The following SPPL3 variants were observed in gnomAD, a reference collection of about 807,000 sequenced individuals.
The protein encoded by SPPL3 is signal peptide peptidase-like 3.
Under a neutral mutation model 42.4 loss-of-function variants are expected in SPPL3, and 5 were observed. That is an observed-to-expected ratio of 0.12 (90% confidence interval 0.06 to 0.25). The LOEUF is 0.25. Among genes scored for constraint, SPPL3 ranks in the 10% least tolerant of loss-of-function variants. The pLI, the probability that SPPL3 is intolerant of heterozygous loss-of-function variation, is 1.00. For synonymous variants in SPPL3, 195 were observed against 181.8 expected, an observed-to-expected ratio of 1.07 and a Z score of -0.58; for missense variants, 235 against 489.0, an observed-to-expected ratio of 0.48 and a Z score of 4.90.
At chr12:120,781,406 CAT>C (rs370141091) in intron 6 of SPPL3, among the ~76,000 whole-genome samples, 2 of 151,744 alleles carry the variant, frequency 1.3e-5, no homozygotes, top group East Asian at 1.9e-4. Context: ...ATGATATAGA[CAT>C]GTATTTATAT....
chr12:120,800,735 T>C (rs1260589265), intron 2 of SPPL3, among the ~76,000 whole-genome samples: 1 of 152,238 alleles, frequency 6.6e-6, no homozygotes, highest in East Asian at 1.9e-4. Context: ...GTCCAATTAT[T>C]GATACTTACA....
At chr12:120,840,733 G>A (rs1464394650) in intron 1 of SPPL3, among the ~76,000 whole-genome samples, 1 of 152,040 alleles carries the variant, frequency 6.6e-6, no homozygotes, top group Non-Finnish European at 1.5e-5. Context: ...TTGGGGGGCT[G>A]AGGCAGAAGG....
At chr12:120,900,534 G>A (rs1844771010) in intron 1 of SPPL3, among the ~76,000 whole-genome samples, 1 of 151,382 alleles carries the variant, frequency 6.6e-6, no homozygotes, top group African/African-American at 2.4e-5. Flanking sequence ...AAGCCCTGGA[G>A]GCACTGCTGT....
intron 8 of SPPL3, 49 bp from the exon 9 acceptor site, chr12:120,767,642 T>A: frequency 6.3e-7 from 1 of 1,587,628 alleles, no homozygotes; most frequent in Non-Finnish European, 8.6e-7. Flanking sequence ...ACAATCCAGT[T>A]TCTATTCCTT....
At chr12:120,862,491 G>T (rs1037207348) in intron 1 of SPPL3, among the ~76,000 whole-genome samples, 8 of 152,118 alleles carry the variant, frequency 5.3e-5, no homozygotes, top group Admixed American at 5.2e-4. Context: ...CCCTTTCTCA[G>T]GTTTGACCAT....
chr12:120,810,923 C>T, intron 1 of SPPL3, 37 bp from the exon 2 acceptor site: 1 of 1,473,936 alleles, frequency 6.8e-7, no homozygotes, highest in Non-Finnish European at 9.5e-7. Flanking sequence ...AAATCACATG[C>T]AGTGAGTCCT....
intron 1 of SPPL3, among the ~76,000 whole-genome samples, chr12:120,823,570 T>C (rs1009169152): frequency 1.3e-5 from 2 of 152,216 alleles, no homozygotes; most frequent in African/African-American, 4.8e-5. Context: ...CTCCGTATTT[T>C]CTCCTTCTCC....
chr12:120,860,306 A>C (rs1012521328), intron 1 of SPPL3, among the ~76,000 whole-genome samples: 2 of 152,202 alleles, frequency 1.3e-5, no homozygotes, highest in Admixed American at 1.3e-4. Context: ...GTCCATCTAC[A>C]TCACTTTCAG....
intron 1 of SPPL3, among the ~76,000 whole-genome samples, chr12:120,812,559 G>C (rs184106824): frequency 1.3e-5 from 2 of 152,318 alleles, no homozygotes; most frequent in Admixed American, 6.5e-5. Flanking sequence ...GAAGTCATAG[G>C]TGTGTGTGAA....
At chr12:120,859,496 GA>G (rs897105066) in intron 1 of SPPL3, among the ~76,000 whole-genome samples, 2 of 152,112 alleles carry the variant, frequency 1.3e-5, no homozygotes, top group Admixed American at 1.3e-4. Flanking sequence ...TTATTACTTT[GA>G]CAAAAAAGTT....
At chr12:120,824,259 A>G (rs970901715) in intron 1 of SPPL3, among the ~76,000 whole-genome samples, 2 of 152,184 alleles carry the variant, frequency 1.3e-5, no homozygotes, top group Non-Finnish European at 2.9e-5. Flanking sequence ...TTTTATTAAA[A>G]ATGGGACTAT....
In SPPL3 at chr12:120,767,262, G is replaced by A. The variant is rs1355492421; in HGVS notation, c.973+132C>T. Reference sequence around the variant, plus strand: ...AAACACTTAGCATCTCACGGGCCAGGCTGTCTATTACAGCACCCAGAATTC... The same window carrying A: ...AAACACTTAGCATCTCACGGGCCAGACTGTCTATTACAGCACCCAGAATTC... On this transcript the variant is annotated intron_variant, in intron 9 of 10. Transcript: ENST00000353487. 4 of 922,146 alleles carry A rather than the reference G, an allele frequency of 4.3e-6. No homozygotes were observed. The African/African-American group carries it at 5.0e-5, about 11-fold the overall frequency. The allele number at this position is 922,146 out of a possible 1,614,324, so 57.1% of individuals were successfully genotyped here.
chr12:120,811,848 T>TA (rs1448289256), intron 1 of SPPL3, among the ~76,000 whole-genome samples: 5 of 151,732 alleles, frequency 3.3e-5, no homozygotes, highest in African/African-American at 9.7e-5. Flanking sequence ...CCTAAAGAAA[T>TA]AAAAAAATGA....
intron 6 of SPPL3, among the ~76,000 whole-genome samples, chr12:120,775,917 C>G (rs1246428592): frequency 6.6e-6 from 1 of 151,988 alleles, no homozygotes; most frequent in African/African-American, 2.4e-5. Context: ...AAAAACCCAG[C>G]CACCAAATAT....
intron 1 of SPPL3, among the ~76,000 whole-genome samples, chr12:120,864,647 C>CTATAA (rs1175465288): frequency 6.6e-6 from 1 of 152,180 alleles, no homozygotes; most frequent in Non-Finnish European, 1.5e-5. Context: ...ATACTCAAAG[C>CTATAA]TGAATAACCA....
At chr12:120,868,562 ACCT>A (rs1872830059) in intron 1 of SPPL3, among the ~76,000 whole-genome samples, 1 of 151,900 alleles carries the variant, frequency 6.6e-6, no homozygotes, top group Admixed American at 6.6e-5. Context: ...ACTCACTGAA[ACCT>A]CCACCTCCTG....
chr12:120,872,100 G>C (rs1356390082), intron 1 of SPPL3, among the ~76,000 whole-genome samples: 2 of 152,130 alleles, frequency 1.3e-5, no homozygotes, highest in African/African-American at 4.8e-5. Context: ...CTGTTGTTAT[G>C]CTGTATTTTT....
chr12:120,841,492 T>C (rs10774570), intron 1 of SPPL3, among the ~76,000 whole-genome samples: 16,032 of 152,144 alleles, frequency 0.11, 1,052 homozygotes, highest in East Asian at 0.3. Flanking sequence ...TTTTTCATTA[T>C]AGAGTCCTGA....
At position 120,827,289 on chromosome 12, in the gene SPPL3, T is replaced by A. The variant is rs1871254976; in HGVS notation, c.24-16403A>T. On this transcript the variant is annotated intron_variant, in intron 1 of 10. Transcript: ENST00000353487. ...AGACAAAACTTATTTGAAAGGCCTATGAGACCAAGAAATATAACTGCTGCT... is the reference window on the plus strand; with the variant it reads ...AGACAAAACTTATTTGAAAGGCCTAAGAGACCAAGAAATATAACTGCTGCT... Among the ~76,000 whole-genome samples, 4 of 150,164 alleles carry A rather than the reference T, an allele frequency of 2.7e-5. No individual in the cohort carries two copies. In the South Asian group the frequency reaches 6.3e-4, roughly 24 times the overall value.
Sources: allele counts gnomAD v4.1 joint callset (sites outside exome capture counted in the v4.1 genomes callset), GRCh38; gene constraint gnomAD v4.1.1; transcripts MANE v1.5; gene names NCBI Gene and HGNC (gene_info 2026-07-23, HGNC 2026-07-21).